THRB: variants seen among roughly 807,000 people sequenced by gnomAD.
The protein encoded by THRB is nuclear receptor subfamily 1 group A member 2.
A neutral mutation model predicts 47.8 loss-of-function variants in THRB; 12 were observed. That is an observed-to-expected ratio of 0.25 (90% confidence interval 0.16 to 0.41). THRB has a LOEUF of 0.41. Ranked by LOEUF, THRB falls within the 10% of genes least tolerant of loss-of-function variation. THRB has a pLI of 1.00. For missense variants in THRB, 348 were observed against 589.2 expected, an observed-to-expected ratio of 0.59 and a Z score of 4.24; for synonymous variants, 218 against 212.2, an observed-to-expected ratio of 1.03 and a Z score of -0.24.
chr3:24,400,424 C>T (rs1019037299), intron 1 of THRB, among the ~76,000 whole-genome samples: 1 of 151,910 alleles, frequency 6.6e-6, no homozygotes, highest in African/African-American at 2.4e-5. Flanking sequence ...GGTATGTGTA[C>T]AAATTTAGTA....
chr3:24,142,948 G>A (rs996077852), intron 8 of THRB, among the ~76,000 whole-genome samples: 1 of 152,182 alleles, frequency 6.6e-6, no homozygotes, highest in Admixed American at 6.5e-5. Context: ...GGTCTGGAAG[G>A]TCTTTTTTCT....
At chr3:24,260,087 C>T (rs1254487776) in intron 3 of THRB, among the ~76,000 whole-genome samples, 4 of 152,188 alleles carry the variant, frequency 2.6e-5, no homozygotes, top group Admixed American at 2.0e-4. Flanking sequence ...CACTAATCTA[C>T]TTTCTGTTTC....
chr3:24,299,767 TTTTTTATTTATTTATTTATTTA>T lies in THRB; in HGVS notation c.-188-2418_-188-2397del, dbSNP rs1309295187. Among the ~76,000 whole-genome samples the T allele has an allele frequency of 7.3e-5, 4 of 54,434 alleles. 1 individual carries two copies. Among genetic ancestry groups the T allele is most frequent in the African/African-American group, 3.2e-4 (4 of 12,518 alleles). The allele number at this position is 54,434 out of a possible 152,430, so 35.7% of individuals were successfully genotyped here. On this transcript the variant is annotated intron_variant, in intron 2 of 10. Coordinates refer to ENST00000646209, the MANE Select transcript of THRB (RefSeq NM_001354712.2). ...CCTTGAGGCTTCTGGGGAAGTATGC[TTTTTTATTTATTTATTTATTTA>T]TTTTTTTTTTTTTAGCAAACATACC...
chr3:24,292,802 T>C (rs1189934846), intron 3 of THRB, among the ~76,000 whole-genome samples: 1 of 152,208 alleles, frequency 6.6e-6, no homozygotes, highest in Non-Finnish European at 1.5e-5. Flanking sequence ...GCTGCATGTT[T>C]GGACCAGATC....
chr3:24,322,403 GT>G (rs2149304699), intron 2 of THRB, among the ~76,000 whole-genome samples: 1 of 152,270 alleles, frequency 6.6e-6, no homozygotes, highest in Admixed American at 6.5e-5. Context: ...ATTTTCTTTG[GT>G]TAATATAATC....
Position 24,344,934 on chromosome 3 carries a change from A to G in THRB, c.-260-7563T>C, listed in dbSNP as rs763555127. ...TAAAGTACTCTGACTTTATTCACCA[A>G]TGTAAACATATCCACAAAAGACCAA... On this transcript the variant is annotated intron_variant, in intron 1 of 10. Coordinates refer to ENST00000646209, the MANE Select transcript of THRB (RefSeq NM_001354712.2). 1.2e-4 allele frequency among the ~76,000 whole-genome samples: 19 copies of G among 152,228 alleles called. No homozygotes were observed. The Middle Eastern group carries it at 0.014, about 109-fold the overall frequency.
At position 24,160,911 on chromosome 3, in the gene THRB, C is replaced by T. The variant is rs1044687903; in HGVS notation, c.284-8421G>A. Among the ~76,000 whole-genome samples the T allele has an allele frequency of 4.6e-5, 7 of 152,348 alleles. No homozygotes were observed. The East Asian group carries it at 1.3e-3, about 29-fold the overall frequency. ...CGTCTGAATCCATTTGCTCATAATGCTTTGGACTCCTACTGTTAGCTTTCA... is the reference window on the plus strand; with the variant it reads ...CGTCTGAATCCATTTGCTCATAATGTTTTGGACTCCTACTGTTAGCTTTCA... On this transcript the variant is annotated intron_variant, in intron 5 of 10. Coordinates refer to ENST00000646209, the MANE Select transcript of THRB (RefSeq NM_001354712.2).
intron 1 of THRB, among the ~76,000 whole-genome samples, chr3:24,387,395 C>T (rs1184086638): frequency 6.6e-6 from 1 of 152,162 alleles, no homozygotes; most frequent in East Asian, 1.9e-4. Context: ...CTGACCCTCT[C>T]CAGCCCAGTT....
At position 24,329,657 on chromosome 3, in the gene THRB, A is replaced by T. The variant is rs145139090; in HGVS notation, c.-189+7643T>A. Among the ~76,000 whole-genome samples, 660 of 152,380 alleles carry T rather than the reference A, an allele frequency of 4.3e-3. 2 individuals are homozygous for T. Among genetic ancestry groups the T allele is most frequent in the African/African-American group, 0.015 (621 of 41,590 alleles). Reference sequence around the variant, plus strand: ...CATGTATCCTTTCCACCACAGACAGATCATCTTTATACATCCATGCACAAT... The same window carrying T: ...CATGTATCCTTTCCACCACAGACAGTTCATCTTTATACATCCATGCACAAT... On this transcript the variant is annotated intron_variant, in intron 2 of 10. Transcript: ENST00000646209.
At chr3:24,492,961 C>A (rs1158711399) in intron 1 of THRB, among the ~76,000 whole-genome samples, 1 of 152,222 alleles carries the variant, frequency 6.6e-6, no homozygotes, top group Non-Finnish European at 1.5e-5. Context: ...GATGGTCTCA[C>A]TTCCAATATA....
intron 3 of THRB, among the ~76,000 whole-genome samples, chr3:24,283,586 C>T (rs1161011327): frequency 1.3e-5 from 2 of 148,552 alleles, no homozygotes; most frequent in Non-Finnish European, 2.9e-5. Context: ...CTGGCCAGGG[C>T]AATTAGGCAG....
At chr3:24,334,424 T>G (rs1027751) in intron 2 of THRB, among the ~76,000 whole-genome samples, 87,559 of 152,128 alleles carry the variant, frequency 0.58, 28,016 homozygotes, top group African/African-American at 0.85. Context: ...GATGAATATT[T>G]TTAAAAGCAC....
At chr3:24,298,599 C>A (rs556599018) in intron 2 of THRB, among the ~76,000 whole-genome samples, 12 of 152,274 alleles carry the variant, frequency 7.9e-5, no homozygotes, top group Admixed American at 7.2e-4. Context: ...TTACTGGGTA[C>A]AATTTTCAAA....
At chr3:24,327,392 T>A (rs1052689021) in intron 2 of THRB, among the ~76,000 whole-genome samples, 3 of 152,166 alleles carry the variant, frequency 2.0e-5, no homozygotes, top group Non-Finnish European at 4.4e-5. Context: ...AGTGTTTAAA[T>A]CATTCATCAG....
intron 3 of THRB, among the ~76,000 whole-genome samples, chr3:24,246,259 G>A (rs556432186): frequency 3.9e-5 from 6 of 152,282 alleles, no homozygotes; most frequent in South Asian, 4.1e-4. Context: ...ACCTAATTCC[G>A]TAGGGTCCTG....
chr3:24,316,612 A>G (rs1277991885), intron 2 of THRB, among the ~76,000 whole-genome samples: 3 of 152,148 alleles, frequency 2.0e-5, no homozygotes, highest in African/African-American at 7.2e-5. Context: ...GAATTATTGC[A>G]ATGTTATCCA....
chr3:24,321,655 G>T (rs936619028), intron 2 of THRB, among the ~76,000 whole-genome samples: 25 of 151,858 alleles, frequency 1.6e-4, no homozygotes, highest in Non-Finnish European at 2.9e-4. Context: ...TGGGAGGAAG[G>T]TCCACAGTTT....
chr3:24,193,510 T>C (rs1457809486), intron 4 of THRB, among the ~76,000 whole-genome samples: 1 of 152,212 alleles, frequency 6.6e-6, no homozygotes, highest in Non-Finnish European at 1.5e-5. Context: ...TTACACAACC[T>C]CAGAGTAAAT....
At chr3:24,324,191 T>C (rs142704640) in intron 2 of THRB, among the ~76,000 whole-genome samples, 6 of 152,310 alleles carry the variant, frequency 3.9e-5, no homozygotes, top group East Asian at 3.9e-4. Context: ...AGTTTCTTTA[T>C]TGAGGACCTG....
Sources: allele counts gnomAD v4.1 joint callset (sites outside exome capture counted in the v4.1 genomes callset), GRCh38; gene constraint gnomAD v4.1.1; transcripts MANE v1.5; gene names NCBI Gene and HGNC (gene_info 2026-07-23, HGNC 2026-07-21).